The following NRXN1 variants were observed in gnomAD, a reference collection of about 807,000 sequenced individuals.
The protein encoded by NRXN1 is neurexin-1.
A neutral mutation model predicts 150.9 loss-of-function variants in NRXN1; 39 were observed. That is an observed-to-expected ratio of 0.26 (90% CI 0.20 to 0.34). The LOEUF is 0.34. Ranked by LOEUF, NRXN1 falls within the 10% of genes least tolerant of loss-of-function variation. The pLI is 1.00. For missense variants in NRXN1, 1,815 were observed against 1,949.9 expected, an observed-to-expected ratio of 0.93 and a Z score of 1.30; for synonymous variants, 924 against 757.0, an observed-to-expected ratio of 1.22 and a Z score of -3.62.
chr2:50,619,397 T>A (rs1573817915), intron 8 of NRXN1: 2 of 152,252 alleles, frequency 1.3e-5, no homozygotes, highest in South Asian at 4.1e-4. Flanking sequence ...TCCAATCTTA[T>A]ACAAAGTTAC....
intron 5 of NRXN1, among the ~76,000 whole-genome samples, chr2:50,661,478 G>A (rs1338076295): frequency 6.6e-6 from 1 of 152,014 alleles, no homozygotes; most frequent in Non-Finnish European, 1.5e-5. Flanking sequence ...GATTTCCTCT[G>A]CCACATTGCT....
chr2:49,961,994 C>T (rs1365330347), intron 21 of NRXN1, among the ~76,000 whole-genome samples: 2 of 151,958 alleles, frequency 1.3e-5, no homozygotes, highest in Non-Finnish European at 2.9e-5. Flanking sequence ...TAGTCCCAGC[C>T]ACCTGGAGGA....
intron 17 of NRXN1, among the ~76,000 whole-genome samples, chr2:50,413,372 G>T (rs1270895998): frequency 6.6e-6 from 1 of 152,104 alleles, no homozygotes; most frequent in Non-Finnish European, 1.5e-5. Flanking sequence ...TGCCTGAATA[G>T]ACATTTCTCA....
chr2:50,702,783 T>C (rs1289325426), intron 5 of NRXN1, among the ~76,000 whole-genome samples: 1 of 152,138 alleles, frequency 6.6e-6, no homozygotes, highest in Non-Finnish European at 1.5e-5. Flanking sequence ...AGTCTTTTTA[T>C]TGCAACATAT....
chr2:50,347,199 G>A lies in NRXN1; in HGVS notation c.3365-110229C>T, dbSNP rs2078070133. The A allele has an allele frequency of 7.4e-7, 1 of 1,348,082 alleles. No homozygotes were observed. The highest frequency in any genetic ancestry group is 9.7e-7 in the Non-Finnish European group (1 of 1,028,280). 83.5% of individuals were successfully genotyped at this position (1,348,082 alleles called of 1,614,324 possible). A position where few individuals can be genotyped will look rare whatever the true frequency, so the allele number is the denominator to read the frequency against. Reference sequence around the variant, plus strand: ...GCTGGAGAGGGGCTTGTCCGGAAAGGCAGCCCCGGGAACAGCAAGCGCGGA... The same window carrying A: ...GCTGGAGAGGGGCTTGTCCGGAAAGACAGCCCCGGGAACAGCAAGCGCGGA... On this transcript the variant is annotated intron_variant, in intron 17 of 22. Transcript: ENST00000401669. This position sits in a 1 kb window ranked among gnomAD's most constrained non-coding sequence, Gnocchi z 4.9.
At chr2:50,537,825 G>A (rs981994317) in intron 10 of NRXN1, among the ~76,000 whole-genome samples, 1 of 152,186 alleles carries the variant, frequency 6.6e-6, no homozygotes. Context: ...AGTTGTGTCA[G>A]GGAAGTTGCA....
chr2:50,129,301 T>G (rs1299753923), intron 18 of NRXN1, among the ~76,000 whole-genome samples: 1 of 152,144 alleles, frequency 6.6e-6, no homozygotes, highest in African/African-American at 2.4e-5. Context: ...AATAATTGGA[T>G]ATAGTTCGGA....
At chr2:50,330,957 C>T (rs2076799694) in intron 17 of NRXN1, among the ~76,000 whole-genome samples, 1 of 152,124 alleles carries the variant, frequency 6.6e-6, no homozygotes, top group Admixed American at 6.5e-5. Flanking sequence ...TTGCTAAAAT[C>T]CCACTTTATA....
intron 1 of NRXN1, among the ~76,000 whole-genome samples, chr2:51,030,363 T>C (rs1175621515): frequency 2.0e-5 from 3 of 151,944 alleles, no homozygotes. Context: ...AAGCTGAAAC[T>C]AGCAGTAATT....
At chr2:50,423,120 G>T (rs545965190) in intron 17 of NRXN1, among the ~76,000 whole-genome samples, 3 of 152,050 alleles carry the variant, frequency 2.0e-5, no homozygotes, top group African/African-American at 7.2e-5. Context: ...CTCATTCCCT[G>T]GTGAAACATA....
chr2:50,266,193 T>G (rs1022683431), intron 17 of NRXN1, among the ~76,000 whole-genome samples: 2 of 149,076 alleles, frequency 1.3e-5, no homozygotes, highest in Non-Finnish European at 3.0e-5. Context: ...GAGACAGGGT[T>G]TCACCATGTT....
At chr2:50,142,062 G>A (rs542929899) in intron 18 of NRXN1, among the ~76,000 whole-genome samples, 3 of 152,056 alleles carry the variant, frequency 2.0e-5, no homozygotes, top group East Asian at 3.9e-4. Context: ...CAAAGTATCC[G>A]TCAACAGGTA....
intron 18 of NRXN1, among the ~76,000 whole-genome samples, chr2:50,111,658 G>T (rs952725609): frequency 1.3e-5 from 2 of 151,614 alleles, no homozygotes; most frequent in African/African-American, 2.4e-5. Context: ...AAAAAAAAAA[G>T]TTACTCTCAT....
At chr2:49,927,021 G>A (rs367615993) in intron 22 of NRXN1, among the ~76,000 whole-genome samples, 1 of 152,000 alleles carries the variant, frequency 6.6e-6, no homozygotes, top group African/African-American at 2.4e-5. Context: ...AATTATCCTT[G>A]TAGGGGCCCT....
chr2:50,053,833 ATG>A (rs1693173712), intron 20 of NRXN1, among the ~76,000 whole-genome samples: 1 of 152,224 alleles, frequency 6.6e-6, no homozygotes, highest in Admixed American at 6.5e-5. Context: ...AATCAAAGAT[ATG>A]TATTACAAAT....
intron 21 of NRXN1, among the ~76,000 whole-genome samples, chr2:49,999,698 C>G (rs1466288375): frequency 6.6e-6 from 1 of 152,042 alleles, no homozygotes; most frequent in Admixed American, 6.6e-5. Context: ...ATACTTATTT[C>G]TTCAATTTGC....
intron 17 of NRXN1, among the ~76,000 whole-genome samples, chr2:50,289,224 T>TA (rs1461319060): frequency 6.6e-6 from 1 of 152,084 alleles, no homozygotes; most frequent in Non-Finnish European, 1.5e-5. Flanking sequence ...AGGTTAATAT[T>TA]AAAAAGACAA....
chr2:50,560,457 C>T (rs2160446), intron 8 of NRXN1, among the ~76,000 whole-genome samples: 63,294 of 138,814 alleles, frequency 0.46, 15,438 homozygotes, highest in African/African-American at 0.69. Context: ...TATTTATTTA[C>T]TTAGAAGCCG....
chr2:50,325,439 A>G (rs745314901), intron 17 of NRXN1, among the ~76,000 whole-genome samples: 3 of 152,190 alleles, frequency 2.0e-5, no homozygotes, highest in Admixed American at 6.5e-5. Context: ...GGGGATGGGG[A>G]CTAAAATTTG....
Sources: gnomAD v4.1 joint callset for allele counts (sites outside exome capture counted in the v4.1 genomes callset) on GRCh38, gnomAD v4.1.1 for gene constraint, Gnocchi (gnomAD v3.1) non-coding constraint, MANE v1.5 for transcripts, NCBI Gene and HGNC (gene_info 2026-07-23, HGNC 2026-07-21) for gene names.